Variants in FAM227A observed in about 807,000 individuals in gnomAD.
The protein encoded by FAM227A is family with sequence similarity 227 member A.
A neutral mutation model predicts 74.7 loss-of-function variants in FAM227A; 80 were observed. The observed-to-expected ratio is 1.07, with a 90% CI of 0.89 to 1.29. The LOEUF (loss-of-function observed/expected upper bound fraction) is 1.29. FAM227A is among the 50% of genes most tolerant of loss of function. The pLI, the probability that FAM227A is intolerant of heterozygous loss-of-function variation, is 0.00. For synonymous variants in FAM227A, 237 were observed against 241.8 expected (o/e 0.98, Z 0.19); for missense variants, 654 against 683.4 (o/e 0.96, Z 0.48).
At chr22:38,605,215 G>A (rs1569199154) in intron 13 of FAM227A, 39 bp downstream of exon 13, 1 of 1,188,386 alleles carries the variant, frequency 8.4e-7, no homozygotes, top group East Asian at 2.5e-5. Context: ...ACCCCCTTTG[G>A]AATCACCTTT....
chr22:38,655,057 G>A (rs537994137), intron 1 of FAM227A, among the ~76,000 whole-genome samples: 73 of 148,812 alleles, frequency 4.9e-4, no homozygotes, highest in African/African-American at 1.7e-3. Context: ...GGAGAATGGC[G>A]TGAACCCAGG....
intron 1 of FAM227A, among the ~76,000 whole-genome samples, chr22:38,655,035 G>A (rs887663301): frequency 2.6e-5 from 4 of 151,404 alleles, no homozygotes; most frequent in African/African-American, 9.7e-5. Flanking sequence ...AGCTACTTGG[G>A]AGGCGGAGGC....
intron 13 of FAM227A, among the ~76,000 whole-genome samples, chr22:38,600,468 G>C (rs1294800866): frequency 6.6e-6 from 1 of 151,632 alleles, no homozygotes; most frequent in Non-Finnish European, 1.5e-5. Context: ...CGAGTAGCTG[G>C]GATTACAGGG....
chr22:38,614,572 T>C (rs200936817), intron 11 of FAM227A, among the ~76,000 whole-genome samples: 3 of 152,192 alleles, frequency 2.0e-5, no homozygotes, highest in East Asian at 3.8e-4. Context: ...GCTCTTTCAT[T>C]GAGCAGATGG....
chr22:38,646,831 T>A (rs2145724026), intron 2 of FAM227A, among the ~76,000 whole-genome samples: 1 of 152,192 alleles, frequency 6.6e-6, no homozygotes, highest in Non-Finnish European at 1.5e-5. Flanking sequence ...ATTGAAATTT[T>A]AAGTTATTTA....
intron 15 of FAM227A, among the ~76,000 whole-genome samples, 163 bp downstream of exon 15, chr22:38,597,039 GTC>G (rs1047978713): frequency 3.3e-5 from 5 of 152,008 alleles, no homozygotes; most frequent in African/African-American, 1.2e-4. Flanking sequence ...AAAAGCTCTG[GTC>G]TCTGTTATTA....
intron 13 of FAM227A, among the ~76,000 whole-genome samples, chr22:38,604,949 A>G (rs2091253071): frequency 6.6e-6 from 1 of 152,006 alleles, no homozygotes; most frequent in African/African-American, 2.4e-5. Context: ...CACTGCATCC[A>G]GCCTTTATTT....
chr22:38,607,892 T>C (rs933846162), intron 11 of FAM227A, among the ~76,000 whole-genome samples: 1 of 152,162 alleles, frequency 6.6e-6, no homozygotes, highest in African/African-American at 2.4e-5. Context: ...AGCAAATGTT[T>C]CACTGGGCAA....
At chr22:38,635,228 CAAAAA>C (rs34498896) in intron 6 of FAM227A, among the ~76,000 whole-genome samples, 1 of 67,436 alleles carries the variant, frequency 1.5e-5, no homozygotes. Context: ...GACTCTGTCT[CAAAAA>C]AAAAAAAAAA....
At chr22:38,619,750 T>C (rs988166088) in intron 11 of FAM227A, among the ~76,000 whole-genome samples, 2 of 152,046 alleles carry the variant, frequency 1.3e-5, no homozygotes, top group Non-Finnish European at 2.9e-5. Flanking sequence ...ACCAGTTAGG[T>C]GCCTACTGCA....
intron 9 of FAM227A, among the ~76,000 whole-genome samples, chr22:38,624,159 C>G (rs1238098516): frequency 6.6e-6 from 1 of 152,148 alleles, no homozygotes; most frequent in Non-Finnish European, 1.5e-5. Flanking sequence ...AATTCCAGCA[C>G]TTTGGGAGGC....
intron 13 of FAM227A, among the ~76,000 whole-genome samples, chr22:38,600,581 G>T (rs2091151749): frequency 6.6e-6 from 1 of 151,722 alleles, no homozygotes; most frequent in Admixed American, 6.6e-5. Flanking sequence ...CAGGTAATCT[G>T]CCCGCCTTGG....
intron 11 of FAM227A, among the ~76,000 whole-genome samples, chr22:38,608,959 C>T (rs1369189382): frequency 1.3e-5 from 2 of 151,956 alleles, no homozygotes; most frequent in Admixed American, 6.6e-5. Flanking sequence ...CCACACCCAG[C>T]TAATTTTGTA....
At chr22:38,613,475 G>T (rs1602952831) in intron 11 of FAM227A, among the ~76,000 whole-genome samples, 1 of 58,544 alleles carries the variant, frequency 1.7e-5, no homozygotes, top group East Asian at 4.4e-4. Flanking sequence ...CCAGCCCAGG[G>T]ATGTCCTTGG....
At chr22:38,654,382 T>C (rs1001680475) in intron 1 of FAM227A, among the ~76,000 whole-genome samples, 3 of 151,018 alleles carry the variant, frequency 2.0e-5, no homozygotes, top group Non-Finnish European at 2.9e-5. Context: ...GGAAATAATA[T>C]GCCATCCAAA....
chr22:38,623,183 C>T lies in FAM227A; in HGVS notation c.947G>A (p.Arg316Lys), dbSNP rs1215286113. 5.2e-6 allele frequency: 8 copies of T among 1,550,758 alleles called. No homozygotes were observed. The highest frequency in any genetic ancestry group is 7.0e-6 in the Non-Finnish European group (8 of 1,146,298). Reference protein sequence around the residue: ...RREELMLYRRRLTKGREFSLF... With the variant: ...RREELMLYRRKLTKGREFSLF... ...ACCTGCTATCTTACCCTTTGTCAGT[C>T]TTCTTCTGTACAACATTAATTCTTC... Residue 316 changes from arginine (R) to lysine (K), a missense_variant, in exon 10 of 17, where the codon AGA becomes AAA. Coordinates refer to ENST00000535113, the MANE Select transcript of FAM227A (RefSeq NM_001013647.2).
intron 14 of FAM227A, 102 bp from the exon 15 acceptor site, chr22:38,597,458 C>T (rs1215381553): frequency 4.3e-6 from 5 of 1,162,848 alleles, no homozygotes; most frequent in African/African-American, 1.5e-5. Flanking sequence ...GCATGGAGGA[C>T]AGAACAGGGA....
intron 11 of FAM227A, among the ~76,000 whole-genome samples, chr22:38,611,637 G>A (rs913968899): frequency 2.6e-5 from 4 of 152,082 alleles, no homozygotes; most frequent in Admixed American, 6.5e-5. Context: ...GTAACTGATA[G>A]GTGCATCACT....
chr22:38,614,352 G>A (rs776277264), intron 11 of FAM227A, among the ~76,000 whole-genome samples: 91 of 152,096 alleles, frequency 6.0e-4, no homozygotes, highest in Non-Finnish European at 1.2e-3. Flanking sequence ...TCTCTAATAG[G>A]TGGGTGTCCT....
Sources: gnomAD v4.1 joint callset for allele counts (sites outside exome capture counted in the v4.1 genomes callset) on GRCh38, gnomAD v4.1.1 for gene constraint, MANE v1.5 for transcripts, NCBI Gene and HGNC (gene_info 2026-07-23, HGNC 2026-07-21) for gene names.